Variants in ANO2 observed in about 807,000 individuals in gnomAD.
ANO2 encodes the protein anoctamin-2.
Under a neutral mutation model 124.2 loss-of-function variants are expected in ANO2, and 101 were observed. The observed-to-expected ratio is 0.81, with a 90% CI of 0.69 to 0.96. The LOEUF is 0.96. Among genes scored for constraint, ANO2 ranks in the 40% least tolerant of loss-of-function variants. The probability of loss-of-function intolerance (pLI) is 0.00; values close to 1 mark genes in which losing one functional copy is unlikely to be tolerated. For missense variants in ANO2, 1,293 were observed against 1,274.5 expected (o/e 1.01, Z -0.22); for synonymous variants, 486 against 482.5 (o/e 1.01, Z -0.09).
chr12:5,897,483 C>T (rs1939872688), intron 3 of ANO2, among the ~76,000 whole-genome samples: 1 of 152,092 alleles, frequency 6.6e-6, no homozygotes, highest in African/African-American at 2.4e-5. Context: ...GTAGAAATAA[C>T]TTCCAAAAAA....
chr12:5,810,091 A>G (rs1953339631), intron 7 of ANO2, among the ~76,000 whole-genome samples: 1 of 152,208 alleles, frequency 6.6e-6, no homozygotes, highest in South Asian at 2.1e-4. Context: ...AGAGCCCCCA[A>G]AATGCCGCAA....
At chr12:5,695,391 A>T (rs78202014) in intron 14 of ANO2, among the ~76,000 whole-genome samples, 1 of 151,840 alleles carries the variant, frequency 6.6e-6, no homozygotes, top group Non-Finnish European at 1.5e-5. Flanking sequence ...AAAAAAAAAA[A>T]GCACATTCCA....
Position 5,696,319 on chromosome 12 carries a change from T to C in ANO2, c.1545+36201A>G, listed in dbSNP as rs73271276. ...ATTTAAAATCACAAAGGCAACATAA[T>C]TGCAGATGCAGCAAAGATGTAGCAA... is the stretch of plus-strand genomic sequence containing the variant. On this transcript the variant is annotated intron_variant, in intron 14 of 24. Transcript: ENST00000682330. Among the ~76,000 whole-genome samples the C allele has an allele frequency of 4.2e-3, 645 of 152,242 alleles. 6 individuals carry two copies. The highest frequency in any genetic ancestry group is 0.015 in the African/African-American group (616 of 41,566).
chr12:5,596,600 T>A lies in ANO2; in HGVS notation c.2233+2884A>T, dbSNP rs1241223709. On this transcript the variant is annotated intron_variant, in intron 20 of 24. Coordinates refer to ENST00000682330, the MANE Select transcript of ANO2 (RefSeq NM_001364791.2). ...TCACTCTCTACAATCTTGGTGTGAG[T>A]TCCTTCCCAAAGTCACCAAGTAAAT... Among the ~76,000 whole-genome samples the A allele has an allele frequency of 2.0e-5, 3 of 152,208 alleles. No homozygotes were observed. The East Asian group carries it at 5.8e-4, about 29-fold the overall frequency.
At chr12:5,705,933 A>C (rs907796813) in intron 14 of ANO2, among the ~76,000 whole-genome samples, 1 of 152,200 alleles carries the variant, frequency 6.6e-6, no homozygotes, top group African/African-American at 2.4e-5. Context: ...CAAGGTTCAC[A>C]AAGCCCTGTG....
intron 13 of ANO2, chr12:5,739,091 C>T (rs1294898781): frequency 3.0e-6 from 2 of 661,562 alleles, no homozygotes; most frequent in South Asian, 1.5e-5. Flanking sequence ...AAACACCAGG[C>T]TCAATGCCCT....
chr12:5,615,336 A>G, intron 16 of ANO2, 39 bp from the exon 17 acceptor site: 1 of 1,502,722 alleles, frequency 6.7e-7, no homozygotes, highest in Non-Finnish European at 9.2e-7. Flanking sequence ...TTGGGGTGAG[A>G]TTTCTCACCT....
At chr12:5,717,425 G>C (rs529828930) in intron 14 of ANO2, among the ~76,000 whole-genome samples, 2 of 152,310 alleles carry the variant, frequency 1.3e-5, no homozygotes, top group African/African-American at 4.8e-5. Flanking sequence ...GTTGGTTTTG[G>C]ACATCTTGTC....
chr12:5,606,395 G>C (rs776557884), intron 19 of ANO2, among the ~76,000 whole-genome samples: 2 of 152,206 alleles, frequency 1.3e-5, no homozygotes, highest in African/African-American at 2.4e-5. Context: ...AACTGCCAGG[G>C]CTTGCACTCT....
chr12:5,650,706 A>G (rs367928273), intron 14 of ANO2, among the ~76,000 whole-genome samples: 1 of 152,230 alleles, frequency 6.6e-6, no homozygotes, highest in African/African-American at 2.4e-5. Context: ...TAGCCAGCAT[A>G]TAAGACAGTA....
At chr12:5,612,992 A>C (rs1332535949) in intron 17 of ANO2, 34 bp from the exon 18 acceptor site, 2 of 1,610,736 alleles carry the variant, frequency 1.2e-6, no homozygotes, top group African/African-American at 2.7e-5. Context: ...AGTTAGGGGA[A>C]GAGAAAGCAT....
chr12:5,623,883 T>G, intron 16 of ANO2, among the ~76,000 whole-genome samples: 1 of 151,072 alleles, frequency 6.6e-6, no homozygotes, highest in African/African-American at 2.4e-5. Flanking sequence ...GAATGGGGGG[T>G]GGGTGGAGGG....
chr12:5,795,596 C>A (rs771343524), intron 10 of ANO2, among the ~76,000 whole-genome samples: 6 of 152,226 alleles, frequency 3.9e-5, no homozygotes, highest in Non-Finnish European at 8.8e-5. Context: ...CAGGCAGTGG[C>A]AGCTGCTTTA....
chr12:5,736,039 C>T (rs888532980), intron 13 of ANO2, among the ~76,000 whole-genome samples: 1 of 152,142 alleles, frequency 6.6e-6, no homozygotes, highest in Non-Finnish European at 1.5e-5. Flanking sequence ...GAAGATTATC[C>T]CATTTTAGAG....
Position 5,615,292 on chromosome 12 carries a change from G to C in ANO2, c.1822C>G (p.Pro608Ala). 6.2e-7 allele frequency: 1 copy of C among 1,612,094 alleles called. No homozygotes were observed. The highest frequency in any genetic ancestry group is 8.5e-7 in the Non-Finnish European group (1 of 1,179,006). The change falls in exon 17 of 25, where the codon CCG (proline) becomes GCG (alanine). Residue 608 changes from proline (P) to alanine (A), a missense_variant. By Grantham distance (27) the Pro-to-Ala change is conservative. Coordinates refer to ENST00000682330, the MANE Select transcript of ANO2 (RefSeq NM_001364791.2). Reference sequence around the variant, plus strand: ...TCTTCAAAAGTCTGTTCTGTTTTCGGAACCTCTGTAAGAGAAGAGCGAGGC... The same window carrying C: ...TCTTCAAAAGTCTGTTCTGTTTTCGCAACCTCTGTAAGAGAAGAGCGAGGC... ...VAKWLTKIEV[P>A]KTEQTFEERL...
At chr12:5,719,289 A>G (rs960823294) in intron 14 of ANO2, among the ~76,000 whole-genome samples, 1 of 152,042 alleles carries the variant, frequency 6.6e-6, no homozygotes, top group Non-Finnish European at 1.5e-5. Flanking sequence ...GTGCAGGAGA[A>G]TTAAGACACA....
intron 19 of ANO2, among the ~76,000 whole-genome samples, chr12:5,603,691 A>C (rs1399388201): frequency 6.6e-6 from 1 of 152,174 alleles, no homozygotes; most frequent in Non-Finnish European, 1.5e-5. Context: ...CACGCCTGTA[A>C]TTCCAGCACT....
intron 15 of ANO2, among the ~76,000 whole-genome samples, chr12:5,643,371 T>C (rs1946478951): frequency 6.6e-6 from 1 of 152,248 alleles, no homozygotes; most frequent in Admixed American, 6.5e-5. Flanking sequence ...ATGTTATACA[T>C]AGCTATTAGT....
chr12:5,740,946 C>G (rs1951074473), intron 12 of ANO2: 1 of 152,668 alleles, frequency 6.6e-6, no homozygotes, highest in Non-Finnish European at 1.5e-5. Flanking sequence ...TATCCTCCAG[C>G]TTCTACCCTC....
Sources: allele counts gnomAD v4.1 joint callset (sites outside exome capture counted in the v4.1 genomes callset), GRCh38; gene constraint gnomAD v4.1.1; transcripts MANE v1.5; gene names NCBI Gene and HGNC (gene_info 2026-07-23, HGNC 2026-07-21).